The following ATXN8OS variants were observed in gnomAD, a reference collection of about 807,000 sequenced individuals.
The protein encoded by ATXN8OS is ATXN8 opposite strand (non-protein coding).
At chr13:70,123,691 C>T (rs1389872532) in intron 2 of ATXN8OS, among the ~76,000 whole-genome samples, 2 of 151,946 alleles carry the variant, frequency 1.3e-5, no homozygotes, top group Non-Finnish European at 2.9e-5. Flanking sequence ...AACAATTCAC[C>T]ATTAAGTAAT....
chr13:70,114,053 A>G (rs1325445928), intron 1 of ATXN8OS, among the ~76,000 whole-genome samples: 2 of 152,224 alleles, frequency 1.3e-5, no homozygotes, highest in African/African-American at 4.8e-5. Context: ...ATATATTCAG[A>G]GTATTGGGAA....
intron 4 of ATXN8OS, among the ~76,000 whole-genome samples, chr13:70,159,726 C>A (rs1032608865): frequency 1.3e-5 from 2 of 152,188 alleles, no homozygotes; most frequent in African/African-American, 4.8e-5. Flanking sequence ...TTCTTGGCAA[C>A]AACTAACCTG....
intron 3 of ATXN8OS, chr13:70,139,329 C>A: frequency 1.6e-6 from 1 of 628,272 alleles, no homozygotes; most frequent in Non-Finnish European, 2.8e-6. Flanking sequence ...ACCCTGGGTC[C>A]TTCATGTTAG....
intron 1 of ATXN8OS, chr13:70,108,231 C>G (rs1423074130): frequency 2.6e-6 from 1 of 390,794 alleles, no homozygotes; most frequent in African/African-American, 2.1e-5. Flanking sequence ...GAAGCGTACC[C>G]CTCGCCAGAT....
intron 4 of ATXN8OS, among the ~76,000 whole-genome samples, chr13:70,154,637 C>T (rs988427473): frequency 1.3e-5 from 2 of 152,132 alleles, no homozygotes; most frequent in Non-Finnish European, 2.9e-5. Flanking sequence ...CAGCCCAGAC[C>T]CAGGAAATGT....
intron 4 of ATXN8OS, among the ~76,000 whole-genome samples, chr13:70,148,324 T>A (rs949331962): frequency 1.3e-5 from 2 of 152,196 alleles, no homozygotes; most frequent in Non-Finnish European, 1.5e-5. Flanking sequence ...TTTGATTTCC[T>A]TTAGGGCCTG....
chr13:70,108,792 C>T (rs2137465136), intron 1 of ATXN8OS, among the ~76,000 whole-genome samples: 1 of 152,292 alleles, frequency 6.6e-6, no homozygotes, highest in Middle Eastern at 3.4e-3. Flanking sequence ...TAATGAACCG[C>T]GTCTTTTAAC....
rs369252664 is a variant in ATXN8OS, at chr13:70,160,804, AT to A, written n.574-8947del. On this transcript the variant is annotated intron_variant and non_coding_transcript_variant, in intron 4 of 4. Coordinates refer to ENST00000678624, the Ensembl canonical transcript of ATXN8OS. ...TAAATATTTATTTATAAATATATTT[AT>A]TATAAATATATATAAATATATATTT... Among the ~76,000 whole-genome samples, 3 of 14,976 alleles carry A rather than the reference AT, an allele frequency of 2.0e-4. 1 individual carries two copies. Among genetic ancestry groups the A allele is most frequent in the South Asian group, 6.7e-3 (2 of 298 alleles). 9.8% of individuals were successfully genotyped at this position (14,976 alleles called of 152,430 possible). A position where few individuals can be genotyped will look rare whatever the true frequency, so the allele number is the denominator to read the frequency against.
intron 2 of ATXN8OS, among the ~76,000 whole-genome samples, chr13:70,118,300 T>C (rs1350607818): frequency 6.6e-6 from 1 of 152,054 alleles, no homozygotes; most frequent in Non-Finnish European, 1.5e-5. Context: ...TAAGTAAATC[T>C]CTGATAGTGT....
At chr13:70,139,005 T>C (rs1888657525) in intron 3 of ATXN8OS, among the ~76,000 whole-genome samples, 1 of 152,174 alleles carries the variant, frequency 6.6e-6, no homozygotes. Flanking sequence ...CATTTTAAAA[T>C]ATGCAGTATG....
At chr13:70,133,648 AAC>A (rs1888565719) in intron 3 of ATXN8OS, among the ~76,000 whole-genome samples, 1 of 152,190 alleles carries the variant, frequency 6.6e-6, no homozygotes, top group Non-Finnish European at 1.5e-5. Context: ...AGAAAACAGA[AAC>A]ACAGAAAAAA....
rs553553177 is a variant in ATXN8OS, at chr13:70,168,033, G to A, written n.574-1720G>A. On this transcript the variant is annotated intron_variant and non_coding_transcript_variant, in intron 4 of 4. Transcript: ENST00000678624. ...GAGCCACCGCGCCCGGCCAACATAT[G>A]TGACTTCTAATGTGCCCACTTGGCT... 1.2e-4 allele frequency among the ~76,000 whole-genome samples: 19 copies of A among 152,150 alleles called. No homozygotes were observed. The South Asian group carries it at 4.0e-3, about 32-fold the overall frequency.
intron 4 of ATXN8OS, among the ~76,000 whole-genome samples, chr13:70,168,064 G>A (rs1889099349): frequency 6.6e-6 from 1 of 152,040 alleles, no homozygotes; most frequent in South Asian, 2.1e-4. Flanking sequence ...TGGCTTATAA[G>A]CATTGGGCAT....
chr13:70,152,229 C>G (rs916903626), intron 4 of ATXN8OS, among the ~76,000 whole-genome samples: 1 of 151,908 alleles, frequency 6.6e-6, no homozygotes, highest in African/African-American at 2.4e-5. Context: ...CCTTGAAGTT[C>G]GAACTTGAAG....
intron 4 of ATXN8OS, among the ~76,000 whole-genome samples, chr13:70,160,808 TAA>T (rs372567657): frequency 1.2e-5 from 1 of 86,634 alleles, no homozygotes; most frequent in African/African-American, 3.2e-5. Flanking sequence ...ATATTTATTA[TAA>T]ATATATATAA....
intron 3 of ATXN8OS, among the ~76,000 whole-genome samples, chr13:70,130,467 A>G (rs1888515424): frequency 1.3e-5 from 2 of 152,210 alleles, no homozygotes; most frequent in African/African-American, 4.8e-5. Flanking sequence ...TGGAGAGACT[A>G]AAATGTAAAC....
chr13:70,151,613 C>A (rs547770647), intron 4 of ATXN8OS, among the ~76,000 whole-genome samples: 1 of 151,794 alleles, frequency 6.6e-6, no homozygotes, highest in South Asian at 2.1e-4. Context: ...TACATAAGTT[C>A]GAATGTAAAA....
rs545808810 is a variant in ATXN8OS at position 70,168,797 on chromosome 13, C to G, written n.574-956C>G. ...CATTCATCCAGGCAAGGAGTTGGCA[C>G]CATAGTGTTAAGGTCTTCCTTCAGA... is the stretch of plus-strand genomic sequence containing the variant. On this transcript the variant is annotated intron_variant and non_coding_transcript_variant, in intron 4 of 4. Coordinates refer to ENST00000678624, the Ensembl canonical transcript of ATXN8OS. Among the ~76,000 whole-genome samples, 88 of 152,126 alleles carry G rather than the reference C, an allele frequency of 5.8e-4. 2 individuals are homozygous for G. The highest frequency in any genetic ancestry group is 1.9e-3 in the African/African-American group (80 of 41,504).
intron 2 of ATXN8OS, among the ~76,000 whole-genome samples, chr13:70,124,344 C>T (rs903662765): frequency 2.6e-5 from 4 of 151,972 alleles, no homozygotes; most frequent in African/African-American, 7.2e-5. Flanking sequence ...AATAATGTCA[C>T]GAGGTTGTGT....
Sources: gnomAD v4.1 joint callset for allele counts (sites outside exome capture counted in the v4.1 genomes callset) on GRCh38, gnomAD v4.1.1 for gene constraint, MANE v1.5 for transcripts, NCBI Gene and HGNC (gene_info 2026-07-23, HGNC 2026-07-21) for gene names.